GPC6: variants seen among roughly 807,000 people sequenced by gnomAD.
GPC6 encodes the protein glypican-6.
GPC6 carries 14 observed loss-of-function variants against 55.2 expected under a neutral mutation model. The ratio of observed to expected loss-of-function variants is 0.25; its 90% CI spans 0.17 to 0.40. The LOEUF is 0.40. Ranked by LOEUF, GPC6 falls within the 10% of genes least tolerant of loss-of-function variation. The pLI, the probability that GPC6 is intolerant of heterozygous loss-of-function variation, is 1.00. For missense variants in GPC6, 641 were observed against 708.5 expected (o/e 0.90, Z 1.08); for synonymous variants, 278 against 259.6 (o/e 1.07, Z -0.68).
intron 4 of GPC6, among the ~76,000 whole-genome samples, chr13:94,052,552 A>C (rs1290894604): frequency 6.6e-6 from 1 of 152,140 alleles, no homozygotes; most frequent in Non-Finnish European, 1.5e-5. Flanking sequence ...AAACTGATGC[A>C]TCTCCTTTAA....
chr13:94,367,407 G>A (rs1471831018), intron 6 of GPC6, among the ~76,000 whole-genome samples: 1 of 152,180 alleles, frequency 6.6e-6, no homozygotes, highest in Non-Finnish European at 1.5e-5. Flanking sequence ...AGGACGTATA[G>A]GATGCCTACT....
intron 4 of GPC6, among the ~76,000 whole-genome samples, chr13:94,171,597 G>T (rs1373634588): frequency 2.0e-5 from 3 of 152,170 alleles, no homozygotes; most frequent in Non-Finnish European, 2.9e-5. Context: ...AAATTCCAAA[G>T]TATATTCATG....
intron 4 of GPC6, among the ~76,000 whole-genome samples, chr13:94,079,021 T>C (rs1348205914): frequency 1.3e-5 from 2 of 151,886 alleles, no homozygotes; most frequent in East Asian, 3.9e-4. Context: ...TTCAACCAAC[T>C]GGGGATTGAA....
intron 4 of GPC6, among the ~76,000 whole-genome samples, chr13:94,050,526 G>T (rs2138752537): frequency 6.6e-6 from 1 of 152,242 alleles, no homozygotes; most frequent in African/African-American, 2.4e-5. Context: ...CTGTGCTGTT[G>T]TAGAATATAC....
chr13:94,072,249 A>G (rs988023368), intron 4 of GPC6, among the ~76,000 whole-genome samples: 1 of 152,238 alleles, frequency 6.6e-6, no homozygotes, highest in Non-Finnish European at 1.5e-5. Flanking sequence ...TAAATATTTA[A>G]TGAAGATGGA....
At chr13:94,046,401 C>T (rs890696017) in intron 4 of GPC6, among the ~76,000 whole-genome samples, 2 of 152,010 alleles carry the variant, frequency 1.3e-5, no homozygotes, top group Non-Finnish European at 2.9e-5. Context: ...GAAGACCTCA[C>T]TATTGAACTT....
At chr13:93,356,834 A>G (rs1880864882) in intron 1 of GPC6, among the ~76,000 whole-genome samples, 1 of 152,166 alleles carries the variant, frequency 6.6e-6, no homozygotes, top group Non-Finnish European at 1.5e-5. Flanking sequence ...AGACCAGTAC[A>G]TGGAATTGAC....
At chr13:93,223,693 C>T (rs1047143453), upstream of GPC6, among the ~76,000 whole-genome samples, 5 of 152,242 alleles carry the variant, frequency 3.3e-5, no homozygotes, top group East Asian at 9.7e-4. Context: ...AGCCACTCTC[C>T]TTAGCGTCCC....
chr13:94,241,670 G>A lies in GPC6; in HGVS notation c.878-44679G>A, dbSNP rs555451993. On this transcript the variant is annotated intron_variant, in intron 4 of 8. Coordinates refer to ENST00000377047, the MANE Select transcript of GPC6 (RefSeq NM_005708.5). ...TAAAACAGAAAAAGGAGGGGGCTAGGTTGCCTTGTTTCTACTCTATCTGTA... is the reference window on the plus strand; with the variant it reads ...TAAAACAGAAAAAGGAGGGGGCTAGATTGCCTTGTTTCTACTCTATCTGTA... 2.6e-5 allele frequency among the ~76,000 whole-genome samples: 4 copies of A among 152,198 alleles called. No homozygotes were observed. In the South Asian group the frequency reaches 8.3e-4, roughly 32 times the overall value.
chr13:93,452,530 G>A (rs1055205425), intron 1 of GPC6, among the ~76,000 whole-genome samples: 6 of 152,158 alleles, frequency 3.9e-5, no homozygotes, highest in African/African-American at 1.4e-4. Context: ...ATTATAAGAT[G>A]TCTATGAGTA....
chr13:94,318,353 T>C (rs566549089), intron 6 of GPC6, among the ~76,000 whole-genome samples: 4 of 152,316 alleles, frequency 2.6e-5, no homozygotes, highest in African/African-American at 9.6e-5. Flanking sequence ...TACCAAACCC[T>C]ATATATACTG....
intron 2 of GPC6, among the ~76,000 whole-genome samples, chr13:93,767,824 A>G (rs893506687): frequency 6.6e-6 from 1 of 152,182 alleles, no homozygotes; most frequent in Non-Finnish European, 1.5e-5. Flanking sequence ...CAACTCATGC[A>G]TGTATAGAAC....
intron 1 of GPC6, among the ~76,000 whole-genome samples, chr13:93,342,240 G>A (rs949832621): frequency 6.6e-6 from 1 of 152,022 alleles, no homozygotes; most frequent in African/African-American, 2.4e-5. Context: ...TAGAAGACTG[G>A]GAGAACATAG....
At chr13:93,878,097 G>T (rs1039901859) in intron 3 of GPC6, among the ~76,000 whole-genome samples, 2 of 152,024 alleles carry the variant, frequency 1.3e-5, no homozygotes, top group African/African-American at 2.4e-5. Flanking sequence ...AAAAAGTGTT[G>T]ATTGTGAGAA....
At chr13:93,981,618 C>G (rs2140405249) in intron 3 of GPC6, among the ~76,000 whole-genome samples, 1 of 152,236 alleles carries the variant, frequency 6.6e-6, no homozygotes, top group South Asian at 2.1e-4. Context: ...TTACTATATC[C>G]TGGTTTAACA....
At chr13:93,392,790 G>C (rs1389225995) in intron 1 of GPC6, among the ~76,000 whole-genome samples, 1 of 152,052 alleles carries the variant, frequency 6.6e-6, no homozygotes, top group East Asian at 1.9e-4. Context: ...GAAGTACTAT[G>C]GTAGTTATTT....
intron 4 of GPC6, among the ~76,000 whole-genome samples, chr13:94,107,597 C>T (rs192994770): frequency 1.6e-3 from 242 of 147,892 alleles, no homozygotes; most frequent in Admixed American, 2.6e-3. Flanking sequence ...TTTTTTTCCA[C>T]CTGCAAGATG....
intron 1 of GPC6, among the ~76,000 whole-genome samples, chr13:93,438,301 T>C (rs969216912): frequency 6.6e-6 from 1 of 152,164 alleles, no homozygotes; most frequent in Non-Finnish European, 1.5e-5. Flanking sequence ...ATTTTAGAAA[T>C]ACATGTCATA....
intron 1 of GPC6, among the ~76,000 whole-genome samples, chr13:93,539,252 C>T (rs1441235596): frequency 6.6e-6 from 1 of 152,112 alleles, no homozygotes; most frequent in Admixed American, 6.6e-5. Flanking sequence ...GGGTCTTTAG[C>T]TCTAGAACCA....
Sources: gnomAD v4.1 joint callset for allele counts (sites outside exome capture counted in the v4.1 genomes callset) on GRCh38, gnomAD v4.1.1 for gene constraint, MANE v1.5 for transcripts, NCBI Gene and HGNC (gene_info 2026-07-23, HGNC 2026-07-21) for gene names.